Variants in THBS2 observed in about 807,000 individuals in gnomAD.
The protein encoded by THBS2 is thrombospondin 2, also known as thrombospondin-2.
In THBS2, 47 loss-of-function variants were observed where a neutral mutation model predicts 135.2. The ratio of observed to expected loss-of-function variants is 0.35; its 90% CI spans 0.28 to 0.44. The LOEUF is 0.44. THBS2 is among the 20% of genes least tolerant of loss of function. The pLI is 1.00. For missense variants in THBS2, 1,288 were observed against 1,603.1 expected (o/e 0.80, Z 3.36); for synonymous variants, 639 against 633.8 (o/e 1.01, Z -0.12).
rs373845225 is a variant in THBS2, at chr6:169,232,658, G to C, written c.1932+6C>G. ...GCAACACACAAGGAAGGCCGGCCTTGCGTACTTGCTTTTCCGTCTTGGCTG... is the reference window on the plus strand; with the variant it reads ...GCAACACACAAGGAAGGCCGGCCTTCCGTACTTGCTTTTCCGTCTTGGCTG... On this transcript the variant is annotated splice_donor_region_variant and intron_variant, in intron 12 of 21. Transcript: ENST00000617924. The C allele has an allele frequency of 6.3e-7, 1 of 1,594,522 alleles. No individual in the cohort carries two copies. Among genetic ancestry groups the C allele is most frequent in the African/African-American group, 1.3e-5 (1 of 74,130 alleles).
rs191377999 is a variant in THBS2 at position 169,227,253 on chromosome 6, G to A, written c.2419+869C>T. On this transcript the variant is annotated intron_variant, in intron 15 of 21. Transcript: ENST00000617924. ...GCTGGGGCCGAGCTCCAGCGTGGAG[G>A]CGAGCCTGCCCCCAGCTCTTGCTGG... 3.3e-5 allele frequency among the ~76,000 whole-genome samples: 5 copies of A among 152,278 alleles called. No individual in the cohort carries two copies. The East Asian group carries it at 5.8e-4, about 18-fold the overall frequency.
Position 169,226,230 on chromosome 6 carries a change from C to A in THBS2, c.2488G>T (p.Gly830Cys). 2.5e-6 allele frequency: 4 copies of A among 1,614,170 alleles called. No homozygotes were observed. The highest frequency in any genetic ancestry group is 3.4e-6 in the Non-Finnish European group (4 of 1,180,010). The change falls in exon 16 of 22, where the codon GGT (glycine) becomes TGT (cysteine). Residue 830 changes from glycine (G) to cysteine (C), a missense_variant. Physicochemically the swap from Gly to Cys is radical, Grantham distance 159. Transcript: ENST00000617924. ...CAGTTGTCACAGTGATCCCCCACAC[C>A]GTCACCATCCGTGTCCCTCTGGTCA... is the stretch of plus-strand genomic sequence containing the variant. ...NTDQRDTDGD[G>C]VGDHCDNCPL...
intron 18 of THBS2, 82 bp downstream of exon 18, chr6:169,223,166 G>A: frequency 2.3e-6 from 3 of 1,308,104 alleles, no homozygotes; most frequent in Non-Finnish European, 3.2e-6. Context: ...CCACCTGCAT[G>A]ATCTTAAAGT....
chr6:169,224,876 A>T (rs1779563790), intron 17 of THBS2, among the ~76,000 whole-genome samples: 1 of 152,192 alleles, frequency 6.6e-6, no homozygotes, highest in African/African-American at 2.4e-5. Flanking sequence ...TCTGGAAGTT[A>T]TATGGAGGCA....
At chr6:169,245,675 C>T (rs1293558739) in intron 4 of THBS2, among the ~76,000 whole-genome samples, 3 of 151,748 alleles carry the variant, frequency 2.0e-5, no homozygotes, top group Non-Finnish European at 4.4e-5. Flanking sequence ...GCCTGTAGTC[C>T]CAGCTACTCA....
intron 2 of THBS2, 30 bp downstream of exon 2, chr6:169,250,703 A>G (rs1443265584): frequency 6.2e-7 from 1 of 1,605,968 alleles, no homozygotes; most frequent in South Asian, 1.1e-5. Context: ...CACAAGCCAG[A>G]GAGAGACCAC....
intron 21 of THBS2, among the ~76,000 whole-genome samples, chr6:169,218,607 GTGGATGGATGAA>G (rs1272277067): frequency 1.4e-5 from 2 of 143,974 alleles, no homozygotes; most frequent in East Asian, 2.2e-4. Context: ...GTGTGGGTGG[GTGGATGGATGAA>G]TGGATGGATG....
At chr6:169,238,919 G>A (rs535744043) in intron 7 of THBS2, among the ~76,000 whole-genome samples, 10 of 152,160 alleles carry the variant, frequency 6.6e-5, no homozygotes, top group South Asian at 2.1e-4. Context: ...CCTTGCCAAC[G>A]GCACGGCACT....
Position 169,232,938 on chromosome 6 carries a change from G to A in THBS2, c.1731C>T (p.Cys577=), listed in dbSNP as rs766423786. 5.9e-5 allele frequency: 93 copies of A among 1,571,986 alleles called. No individual in the cohort carries two copies. Among genetic ancestry groups the A allele is most frequent in the Non-Finnish European group, 7.6e-5 (88 of 1,159,384 alleles). The change falls in exon 11 of 22, where the codon TGC becomes TGT. Residue 577 remains cysteine (C), a synonymous_variant. Transcript: ENST00000617924. ...TGCCATTGCCCAAGAAGCCCACAGG[G>A]CAGGAGCCGCATGACCAGGACCCAT... is the stretch of plus-strand genomic sequence containing the variant. The part of the protein sequence containing the change: ...FPDGSWSCGS[C]PVGFLGNGTH...
At chr6:169,231,953 G>A (rs1779851552) in intron 13 of THBS2, 27 bp downstream of exon 13, 3 of 1,610,320 alleles carry the variant, frequency 1.9e-6, no homozygotes, top group African/African-American at 1.3e-5. Flanking sequence ...CCGTGGCCCC[G>A]TGTGCCCTGC....
rs1779213290 is a variant in THBS2, at chr6:169,217,389, A to T, written c.*433T>A. ...CTAATTCAAGAATAGTGACAACTTT[A>T]AGCACCAAAAGTAGTTCAGCAATAT... On this transcript the variant is annotated 3_prime_UTR_variant, in exon 22 of 22. Coordinates refer to ENST00000617924, the MANE Select transcript of THBS2 (RefSeq NM_003247.5). 1 of 164,432 alleles carries T rather than the reference A, an allele frequency of 6.1e-6. No homozygotes were observed. 10.2% of individuals were successfully genotyped at this position (164,432 alleles called of 1,614,324 possible). A position where few individuals can be genotyped will look rare whatever the true frequency, so the allele number is the denominator to read the frequency against.
At chr6:169,236,308 TCC>T (rs1780062992) in intron 9 of THBS2, among the ~76,000 whole-genome samples, 1 of 68,396 alleles carries the variant, frequency 1.5e-5, no homozygotes, top group Non-Finnish European at 2.8e-5. Context: ...CCACAGTCAC[TCC>T]CCATCCACAC....
chr6:169,226,477 C>A (rs1397956818), intron 15 of THBS2, among the ~76,000 whole-genome samples, 179 bp from the exon 16 acceptor site: 2 of 152,142 alleles, frequency 1.3e-5, no homozygotes, highest in African/African-American at 4.8e-5. Flanking sequence ...TTTAGAAGAA[C>A]ATATGACATA....
At chr6:169,221,312 ATC>A (rs1412503951) in intron 20 of THBS2, 116 bp downstream of exon 20, 53 of 848,080 alleles carry the variant, frequency 6.2e-5, no homozygotes, top group Non-Finnish European at 9.9e-5. Flanking sequence ...ATGACGAAGA[ATC>A]CAGAGTAAAA....
At chr6:169,231,466 C>G (rs974637752) in intron 13 of THBS2, among the ~76,000 whole-genome samples, 2 of 152,168 alleles carry the variant, frequency 1.3e-5, no homozygotes, top group African/African-American at 4.8e-5. Flanking sequence ...CCTCCCGGGC[C>G]GTGGTGTTCG....
At chr6:169,247,282 G>A (rs1482924299) in intron 3 of THBS2, among the ~76,000 whole-genome samples, 3 of 152,170 alleles carry the variant, frequency 2.0e-5, no homozygotes, top group Non-Finnish European at 4.4e-5. Flanking sequence ...GCATGTGAAA[G>A]GGTGAGTGCC....
At chr6:169,221,042 G>A (rs1779408947) in intron 20 of THBS2, among the ~76,000 whole-genome samples, 2 of 152,208 alleles carry the variant, frequency 1.3e-5, no homozygotes, top group African/African-American at 2.4e-5. Flanking sequence ...TGGGCTAACT[G>A]TGTCAAAACT....
At position 169,226,183 on chromosome 6, in the gene THBS2, G is replaced by A. The variant is rs1255741566; in HGVS notation, c.2535C>T (p.Asp845=). 3 of 1,612,616 alleles carry A rather than the reference G, an allele frequency of 1.9e-6. No individual in the cohort carries two copies. Among genetic ancestry groups the A allele is most frequent in the South Asian group, 1.1e-5 (1 of 90,970 alleles). ...CDNCPLVHNP[D]QTDVDNDLVG... ...GCCTGTCTGCGGCTGCCCTCACCTG[G>A]TCAGGGTTGTGCACCAGGGGGCAGT... The change falls in exon 16 of 22, where the codon GAC becomes GAT. Residue 845 remains aspartate (D), a synonymous_variant. Coordinates refer to ENST00000617924, the MANE Select transcript of THBS2 (RefSeq NM_003247.5).
Position 169,217,699 on chromosome 6 carries a change from C to T in THBS2, c.*123G>A. The T allele has an allele frequency of 9.1e-7, 1 of 1,100,360 alleles. No homozygotes were observed. Among genetic ancestry groups the T allele is most frequent in the Non-Finnish European group, 1.3e-6 (1 of 774,120 alleles). The allele number at this position is 1,100,360 out of a possible 1,614,324, so 68.2% of individuals were successfully genotyped here. A position where few individuals can be genotyped will look rare whatever the true frequency, so the allele number is the denominator to read the frequency against. ...TTGCTGGCAGGAGGTGAAGAACCAT[C>T]AGAGTTAAGGTCAAGGGACAGGAGG... On this transcript the variant is annotated 3_prime_UTR_variant, in exon 22 of 22. Transcript: ENST00000617924.
Sources: gnomAD v4.1 joint callset for allele counts (sites outside exome capture counted in the v4.1 genomes callset) on GRCh38, gnomAD v4.1.1 for gene constraint, MANE v1.5 for transcripts, NCBI Gene and HGNC (gene_info 2026-07-23, HGNC 2026-07-21) for gene names.